The following MAST2 variants were observed in gnomAD, a reference collection of about 807,000 sequenced individuals.
MAST2 encodes microtubule associated serine/threonine kinase 2, also known as microtubule-associated serine/threonine-protein kinase 2.
In MAST2, 70 loss-of-function variants were observed where a neutral mutation model predicts 147.4. That is an observed-to-expected ratio of 0.47 (90% confidence interval 0.39 to 0.58). MAST2 has a LOEUF of 0.58. Among genes scored for constraint, MAST2 ranks in the 20% least tolerant of loss-of-function variants. The pLI is 0.00. For missense variants in MAST2, 2,080 were observed against 2,302.3 expected (o/e 0.90, Z 1.98); for synonymous variants, 869 against 896.8 (o/e 0.97, Z 0.55).
chr1:45,941,681 G>GTTTTTTGT (rs1570841789), intron 4 of MAST2, among the ~76,000 whole-genome samples: 1 of 27,158 alleles, frequency 3.7e-5, no homozygotes, highest in Admixed American at 3.9e-4. Flanking sequence ...TTTGTTTTTT[G>GTTTTTTGT]TTTTTTTATT....
intron 4 of MAST2, among the ~76,000 whole-genome samples, chr1:45,929,513 T>C (rs189727202): frequency 6.6e-5 from 10 of 152,340 alleles, no homozygotes; most frequent in Admixed American, 3.3e-4. Flanking sequence ...GTAGTAGTCA[T>C]GCTTGTTATG....
At chr1:45,817,413 A>G (rs1258279949) in intron 1 of MAST2, among the ~76,000 whole-genome samples, 1 of 152,168 alleles carries the variant, frequency 6.6e-6, no homozygotes, top group East Asian at 1.9e-4. Flanking sequence ...AGGCCAAGAG[A>G]GAGAGGCATG....
At chr1:45,921,418 C>T (rs1048597445) in intron 4 of MAST2, among the ~76,000 whole-genome samples, 1 of 152,136 alleles carries the variant, frequency 6.6e-6, no homozygotes, top group Admixed American at 6.5e-5. Context: ...GCCTGCTGGG[C>T]CCAGTTGGCC....
At chr1:45,968,078 A>G (rs1295638496) in intron 5 of MAST2, among the ~76,000 whole-genome samples, 9 of 152,180 alleles carry the variant, frequency 5.9e-5, no homozygotes, top group Non-Finnish European at 1.2e-4. Context: ...AGCCTTTTAG[A>G]TTTTGGGCTT....
At chr1:45,921,670 G>A (rs908736539) in intron 4 of MAST2, among the ~76,000 whole-genome samples, 4 of 152,188 alleles carry the variant, frequency 2.6e-5, no homozygotes, top group Admixed American at 6.5e-5. Flanking sequence ...ACAAGGGAAC[G>A]CGGTGGTGCC....
chr1:46,023,266 C>T lies in MAST2; in HGVS notation c.1519C>T (p.Pro507Ser), dbSNP rs1324491907. 1 of 1,614,170 alleles carries T rather than the reference C, an allele frequency of 6.2e-7. No individual in the cohort carries two copies. The highest frequency in any genetic ancestry group is 8.5e-7 in the Non-Finnish European group (1 of 1,180,026). Residue 507 changes from proline (P) to serine (S), a missense_variant, in exon 14 of 29, where the codon CCC becomes TCC. Pro to Ser is a moderately conservative substitution (Grantham distance 74, BLOSUM62 -1). Around this residue, in one of 4 missense-constraint regions of MAST2, gnomAD observed 569 missense variants for 642.5 expected, o/e 0.89. Transcript: ENST00000361297. The surrounding 1 kb of genome is among the most constrained non-coding windows in gnomAD (Gnocchi z 4.9). Reference sequence around the variant, plus strand: ...GGCATCTCTGCCATCTAAAAAGACACCCTCTGAAGAGGACTTCGAGACCAT... The same window carrying T: ...GGCATCTCTGCCATCTAAAAAGACATCCTCTGAAGAGGACTTCGAGACCAT... ...HGASLPSKKT[P>S]SEEDFETIKL...
intron 4 of MAST2, among the ~76,000 whole-genome samples, chr1:45,919,231 G>T (rs1653055397): frequency 6.6e-6 from 1 of 152,170 alleles, no homozygotes. Flanking sequence ...CAGATTTGGG[G>T]ATTATTTTAA....
intron 26 of MAST2, 151 bp from the exon 27 acceptor site, chr1:46,033,651 A>G (rs1283496498): frequency 9.5e-7 from 1 of 1,049,298 alleles, no homozygotes; most frequent in East Asian, 2.5e-5. Flanking sequence ...CATCTGTAAA[A>G]ACAATAATAT....
intron 5 of MAST2, among the ~76,000 whole-genome samples, chr1:45,986,051 G>C (rs1351776637): frequency 6.6e-6 from 1 of 152,078 alleles, no homozygotes; most frequent in African/African-American, 2.4e-5. Context: ...TATTCCACTG[G>C]GCTGGAACTC....
At chr1:45,991,516 T>C (rs1267535578) in intron 5 of MAST2, among the ~76,000 whole-genome samples, 2 of 152,234 alleles carry the variant, frequency 1.3e-5, no homozygotes, top group African/African-American at 4.8e-5. Context: ...ATTATGATCA[T>C]GCAAGTCTCA....
At chr1:45,941,681 G>A (rs200646900) in intron 4 of MAST2, among the ~76,000 whole-genome samples, 1 of 27,158 alleles carries the variant, frequency 3.7e-5, no homozygotes, top group Non-Finnish European at 6.7e-5. Flanking sequence ...TTTGTTTTTT[G>A]TTTTTTTATT....
At chr1:45,870,359 C>A (rs1232582912) in intron 3 of MAST2, among the ~76,000 whole-genome samples, 1 of 151,922 alleles carries the variant, frequency 6.6e-6, no homozygotes, top group African/African-American at 2.4e-5. Flanking sequence ...TGTTGGTAAA[C>A]CCAACTCAGG....
At chr1:45,839,536 A>C (rs1464140730) in intron 3 of MAST2, among the ~76,000 whole-genome samples, 2 of 152,060 alleles carry the variant, frequency 1.3e-5, no homozygotes, top group African/African-American at 4.8e-5. Context: ...GCCTCCCGAA[A>C]TGCTGGCTTA....
chr1:45,949,672 G>A (rs1370499942), intron 4 of MAST2, among the ~76,000 whole-genome samples: 2 of 152,104 alleles, frequency 1.3e-5, no homozygotes, highest in East Asian at 3.8e-4. Context: ...ATTCCTCAAA[G>A]AGCTAAAAGC....
intron 3 of MAST2, among the ~76,000 whole-genome samples, chr1:45,841,759 G>C (rs977584577): frequency 6.6e-6 from 1 of 152,190 alleles, no homozygotes; most frequent in African/African-American, 2.4e-5. Context: ...CAGCAAAAAG[G>C]ACTGAGTGTG....
intron 1 of MAST2, among the ~76,000 whole-genome samples, chr1:45,821,236 C>T (rs1341049733): frequency 1.3e-5 from 2 of 152,054 alleles, no homozygotes; most frequent in South Asian, 2.1e-4. Flanking sequence ...CAGTTATGCT[C>T]AAGATAGAAT....
chr1:46,001,773 T>G (rs1422435729), intron 6 of MAST2, among the ~76,000 whole-genome samples: 1 of 152,098 alleles, frequency 6.6e-6, no homozygotes, highest in Non-Finnish European at 1.5e-5. Context: ...CCAGCAAGAT[T>G]TATTCCTTTT....
At chr1:45,946,042 A>G (rs1657980420) in intron 4 of MAST2, among the ~76,000 whole-genome samples, 1 of 152,130 alleles carries the variant, frequency 6.6e-6, no homozygotes, top group Admixed American at 6.5e-5. Flanking sequence ...CAAAACCATT[A>G]TCTCCCTTTC....
chr1:45,853,726 TC>T (rs944863677), intron 3 of MAST2, among the ~76,000 whole-genome samples: 3 of 152,174 alleles, frequency 2.0e-5, no homozygotes, highest in African/African-American at 7.2e-5. Flanking sequence ...CTTTTTTTTT[TC>T]AATCAGCTTT....
Sources: allele counts gnomAD v4.1 joint callset (sites outside exome capture counted in the v4.1 genomes callset), GRCh38; gene constraint gnomAD v4.1.1; regional missense constraint gnomAD v4.1.1; non-coding constraint Gnocchi (gnomAD v3.1); transcripts MANE v1.5; gene names NCBI Gene and HGNC (gene_info 2026-07-23, HGNC 2026-07-21).